The following SETD5 variants were observed in gnomAD, a reference collection of about 807,000 sequenced individuals.
The protein encoded by SETD5 is histone-lysine N-methyltransferase SETD5.
Under a neutral mutation model 153.3 loss-of-function variants are expected in SETD5, and 44 were observed. The observed-to-expected ratio is 0.29, with a 90% CI of 0.23 to 0.37. The LOEUF (loss-of-function observed/expected upper bound fraction) is 0.37, where lower values mean the gene tolerates loss of function less well. Among genes scored for constraint, SETD5 ranks in the 10% least tolerant of loss-of-function variants. SETD5 has a pLI of 1.00. For missense variants in SETD5, 1,544 were observed against 1,768.0 expected, an observed-to-expected ratio of 0.87 and a Z score of 2.27; for synonymous variants, 716 against 645.2, an observed-to-expected ratio of 1.11 and a Z score of -1.66.
chr3:9,420,559 G>A (rs750018124), intron 1 of SETD5, among the ~76,000 whole-genome samples: 8 of 152,080 alleles, frequency 5.3e-5, no homozygotes, highest in Non-Finnish European at 1.0e-4. Context: ...GGGAGAAAAG[G>A]AAATTTTTAT....
At chr3:9,461,569 A>G (rs907567922) in intron 17 of SETD5, among the ~76,000 whole-genome samples, 6 of 152,350 alleles carry the variant, frequency 3.9e-5, no homozygotes, top group African/African-American at 9.6e-5. Context: ...TGGAAACTAT[A>G]TATGCAGGAA....
At chr3:9,420,594 G>T (rs2124901753) in intron 1 of SETD5, among the ~76,000 whole-genome samples, 1 of 152,248 alleles carries the variant, frequency 6.6e-6, no homozygotes, top group East Asian at 1.9e-4. Flanking sequence ...ACTAAATCAT[G>T]ATGTTTCCTG....
At chr3:9,409,583 T>C (rs2036237733) in intron 1 of SETD5, among the ~76,000 whole-genome samples, 1 of 152,166 alleles carries the variant, frequency 6.6e-6, no homozygotes, top group African/African-American at 2.4e-5. Flanking sequence ...AGGATAATTT[T>C]GTACATTTTT....
At chr3:9,472,405 A>G (rs1160887102) in intron 19 of SETD5, among the ~76,000 whole-genome samples, 1 of 152,056 alleles carries the variant, frequency 6.6e-6, no homozygotes, top group African/African-American at 2.4e-5. Flanking sequence ...TAGGCAGGGC[A>G]CGGATTATGG....
intron 22 of SETD5, 32 bp downstream of exon 22, chr3:9,475,188 A>G: frequency 6.5e-7 from 1 of 1,549,902 alleles, no homozygotes; most frequent in East Asian, 2.4e-5. Flanking sequence ...CTCTAGCCAT[A>G]GGAGTGTGTT....
At chr3:9,416,831 G>C (rs550426668) in intron 1 of SETD5, among the ~76,000 whole-genome samples, 13 of 152,238 alleles carry the variant, frequency 8.5e-5, no homozygotes, top group African/African-American at 3.1e-4. Flanking sequence ...AGGAAGAGAG[G>C]TTATAGATAA....
At position 9,441,590 on chromosome 3, in the gene SETD5, C is replaced by T. The variant is rs1037104712; in HGVS notation, c.811-3C>T. On this transcript the variant is annotated splice_region_variant and splice_polypyrimidine_tract_variant and intron_variant, in intron 8 of 22. Transcript: ENST00000402198. ...TTAATGTTATTGCTCTGGTTTTATT[C>T]AGTTACAGCTGGGAAGAGTCACTCG... is the stretch of plus-strand genomic sequence containing the variant. 8.1e-6 allele frequency: 13 copies of T among 1,613,450 alleles called. No individual in the cohort carries two copies. The African/African-American group carries it at 1.7e-4, about 22-fold the overall frequency.
At chr3:9,446,928 A>G (rs1057294246) in intron 13 of SETD5, 122 bp from the exon 14 acceptor site, 9 of 642,302 alleles carry the variant, frequency 1.4e-5, no homozygotes, top group Non-Finnish European at 2.1e-5. Flanking sequence ...TCCAAGTTAT[A>G]TGTGTCATCT....
At chr3:9,433,378 G>C in intron 3 of SETD5, 1 of 1,289,852 alleles carries the variant, frequency 7.8e-7, no homozygotes, top group Non-Finnish European at 1.0e-6. Context: ...AGGGTATCCT[G>C]TCTTGGTAGT....
rs1248860535 is a variant in SETD5, at chr3:9,456,245, G to A, written c.2476+2377G>A. Among the ~76,000 whole-genome samples the A allele has an allele frequency of 1.3e-5, 2 of 152,112 alleles. 1 individual carries two copies. The highest frequency in any genetic ancestry group is 3.9e-4 in the East Asian group (2 of 5,186). On this transcript the variant is annotated intron_variant, in intron 17 of 22. Transcript: ENST00000402198. The stretch of plus-strand genomic sequence containing the variant: ...AATCCCAGCACTTTGGGAGGCCAAG[G>A]TGGGCGGATCATCTGAGGTCAGGAG...
At chr3:9,432,304 A>T in intron 3 of SETD5, 4 of 985,122 alleles carry the variant, frequency 4.1e-6, no homozygotes, top group Non-Finnish European at 4.8e-6. Flanking sequence ...CCTTTCTCAC[A>T]GTTTTGGAGC....
intron 1 of SETD5, among the ~76,000 whole-genome samples, chr3:9,402,761 A>G (rs185995632): frequency 5.8e-4 from 88 of 152,340 alleles, no homozygotes; most frequent in Admixed American, 5.7e-3. Context: ...AGGAATGTAT[A>G]CAAAATAGAT....
intron 7 of SETD5, among the ~76,000 whole-genome samples, chr3:9,439,911 T>A (rs2125163050): frequency 6.6e-6 from 1 of 151,834 alleles, no homozygotes; most frequent in East Asian, 1.9e-4. Flanking sequence ...TTAATGAGAT[T>A]GATTGATTAA....
chr3:9,447,675 T>C lies in SETD5; in HGVS notation c.1783-11T>C. ...ATTTCTGGTAAGCATCTGACCCTACTATTGCTACAGGATATTGCTGCAGAA... is the reference window on the plus strand; with the variant it reads ...ATTTCTGGTAAGCATCTGACCCTACCATTGCTACAGGATATTGCTGCAGAA... On this transcript the variant is annotated splice_polypyrimidine_tract_variant and intron_variant, in intron 14 of 22. Transcript: ENST00000402198. The C allele has an allele frequency of 6.2e-7, 1 of 1,611,580 alleles. No individual in the cohort carries two copies. The highest frequency in any genetic ancestry group is 8.5e-7 in the Non-Finnish European group (1 of 1,178,124).
intron 1 of SETD5, among the ~76,000 whole-genome samples, chr3:9,417,702 G>A (rs2037704133): frequency 6.6e-6 from 1 of 151,698 alleles, no homozygotes; most frequent in African/African-American, 2.4e-5. Context: ...AGCCAGGATG[G>A]TCTCGATCTC....
intron 1 of SETD5, among the ~76,000 whole-genome samples, chr3:9,413,051 A>T (rs2036837862): frequency 6.6e-6 from 1 of 152,142 alleles, no homozygotes; most frequent in African/African-American, 2.4e-5. Flanking sequence ...TTTAAATTTT[A>T]AAATAAAAGT....
At chr3:9,413,402 A>G (rs994465436) in intron 1 of SETD5, among the ~76,000 whole-genome samples, 1 of 152,190 alleles carries the variant, frequency 6.6e-6, no homozygotes, top group African/African-American at 2.4e-5. Flanking sequence ...AAGGTATCTT[A>G]TAAATATCAG....
chr3:9,454,355 G>A (rs902135115), intron 17 of SETD5, among the ~76,000 whole-genome samples: 9 of 151,818 alleles, frequency 5.9e-5, no homozygotes, highest in East Asian at 1.9e-4. Flanking sequence ...GCTGTGGCTC[G>A]CACCTGTAAT....
At position 9,453,787 on chromosome 3, in the gene SETD5, G is replaced by A. The variant is rs1202232628; in HGVS notation, c.2395G>A (p.Val799Ile). The A allele has an allele frequency of 6.2e-6, 10 of 1,609,386 alleles. No homozygotes were observed. The highest frequency in any genetic ancestry group is 2.2e-5 in the East Asian group (1 of 44,698). Residue 799 changes from valine (V) to isoleucine (I), a missense_variant, in exon 17 of 23, where the codon GTA becomes ATA. Around this residue, in one of 9 missense-constraint regions of SETD5, gnomAD observed 782 missense variants for 787.2 expected, o/e 0.99. Coordinates refer to ENST00000402198, the MANE Select transcript of SETD5 (RefSeq NM_001080517.3). ...LEEGMTQTSS[V>I]PQETRTQHLY... ...AGAAGGGATGACTCAAACATCATCT[G>A]TACCCCAAGAGACTAGAACTCAGCA...
Sources: allele counts gnomAD v4.1 joint callset (sites outside exome capture counted in the v4.1 genomes callset), GRCh38; gene constraint gnomAD v4.1.1; regional missense constraint gnomAD v4.1.1; transcripts MANE v1.5; gene names NCBI Gene and HGNC (gene_info 2026-07-23, HGNC 2026-07-21).